Variants in NEGR1 observed in about 807,000 individuals in gnomAD.
NEGR1 encodes the protein IgLON family member 4.
In NEGR1, 10 loss-of-function variants were observed where a neutral mutation model predicts 40.9. That is an observed-to-expected ratio of 0.24 (90% CI 0.15 to 0.42). The LOEUF is 0.42. Ranked by LOEUF, NEGR1 falls within the 10% of genes least tolerant of loss-of-function variation. The pLI is 1.00. For missense variants in NEGR1, 352 were observed against 438.9 expected, an observed-to-expected ratio of 0.80 and a Z score of 1.77; for synonymous variants, 185 against 166.8, an observed-to-expected ratio of 1.11 and a Z score of -0.84.
At chr1:71,453,141 A>G (rs1309058780) in intron 6 of NEGR1, among the ~76,000 whole-genome samples, 1 of 152,172 alleles carries the variant, frequency 6.6e-6, no homozygotes, top group Non-Finnish European at 1.5e-5. Flanking sequence ...GTGACAGTTG[A>G]AAACTGAAGA....
At chr1:72,248,187 C>A (rs1401359759) in intron 1 of NEGR1, among the ~76,000 whole-genome samples, 3 of 152,132 alleles carry the variant, frequency 2.0e-5, no homozygotes, top group Non-Finnish European at 4.4e-5. Context: ...AACAAACATA[C>A]AAACTATATC....
chr1:71,574,141 A>C (rs991512587), intron 6 of NEGR1, among the ~76,000 whole-genome samples: 1 of 152,206 alleles, frequency 6.6e-6, no homozygotes, highest in African/African-American at 2.4e-5. Context: ...GGAAAATACT[A>C]GGTTCCCTAA....
intron 5 of NEGR1, among the ~76,000 whole-genome samples, chr1:71,602,879 C>T (rs1649969201): frequency 6.6e-6 from 1 of 152,210 alleles, no homozygotes; most frequent in South Asian, 2.1e-4. Flanking sequence ...ATGTGCTCTT[C>T]AGTTCCCAGT....
chr1:71,778,293 A>G (rs913213088), intron 2 of NEGR1, among the ~76,000 whole-genome samples: 1 of 152,076 alleles, frequency 6.6e-6, no homozygotes, highest in Non-Finnish European at 1.5e-5. Context: ...TTCAGTAGAA[A>G]GCACATTTTG....
chr1:71,452,816 CAAA>C (rs5775062), intron 6 of NEGR1, among the ~76,000 whole-genome samples: 1 of 148,648 alleles, frequency 6.7e-6, no homozygotes, highest in African/African-American at 2.5e-5. Flanking sequence ...AAAAAAAAAC[CAAA>C]AAAAAAACAC....
chr1:72,150,863 TATA>T (rs1184096296), intron 1 of NEGR1, among the ~76,000 whole-genome samples: 1 of 152,040 alleles, frequency 6.6e-6, no homozygotes, highest in Non-Finnish European at 1.5e-5. Flanking sequence ...ACAAAAATAT[TATA>T]ATAACAACAC....
intron 1 of NEGR1, among the ~76,000 whole-genome samples, chr1:72,042,819 C>T (rs1310628393): frequency 6.6e-6 from 1 of 151,984 alleles, no homozygotes; most frequent in Non-Finnish European, 1.5e-5. Flanking sequence ...TACCAGGATG[C>T]TTTTATTACC....
At chr1:71,876,754 G>A (rs904676912) in intron 2 of NEGR1, among the ~76,000 whole-genome samples, 2 of 152,140 alleles carry the variant, frequency 1.3e-5, no homozygotes, top group African/African-American at 4.8e-5. Context: ...GGGAGTGGAA[G>A]AAACTGAAGT....
At chr1:71,868,471 A>AATACATACATAC (rs56859630) in intron 2 of NEGR1, among the ~76,000 whole-genome samples, 68 of 148,130 alleles carry the variant, frequency 4.6e-4, no homozygotes, top group South Asian at 6.5e-4. Context: ...AGATAGACAG[A>AATACATACATAC]ATACATACAT....
At chr1:71,813,335 C>G (rs915351665) in intron 2 of NEGR1, among the ~76,000 whole-genome samples, 2 of 152,058 alleles carry the variant, frequency 1.3e-5, no homozygotes, top group African/African-American at 4.8e-5. Context: ...GTTGCTGTAG[C>G]CTTATAGGAT....
At chr1:71,623,553 T>C (rs2101555663) in intron 4 of NEGR1, among the ~76,000 whole-genome samples, 1 of 151,934 alleles carries the variant, frequency 6.6e-6, no homozygotes, top group East Asian at 1.9e-4. Flanking sequence ...AATTGAGAGG[T>C]AATGTTTTTT....
In NEGR1 at chr1:71,474,559, C is replaced by CACACAA. The variant is rs1416461058; in HGVS notation, c.941-66990_941-66989insTTGTGT. On this transcript the variant is annotated intron_variant, in intron 6 of 6. Coordinates refer to ENST00000357731, the MANE Select transcript of NEGR1 (RefSeq NM_173808.3). ...ACACACACACACACACACACACACACAATTAGCCAGGCGTGGTGGCAGGTG... is the reference window on the plus strand; with the variant it reads ...ACACACACACACACACACACACACACACACAAAATTAGCCAGGCGTGGTGGCAGGTG... Among the ~76,000 whole-genome samples the CACACAA allele has an allele frequency of 2.3e-4, 32 of 137,726 alleles. No homozygotes were observed. In the East Asian group the frequency reaches 7.5e-3, roughly 32 times the overall value. The allele number at this position is 137,726 out of a possible 152,430, so 90.4% of individuals were successfully genotyped here. A position where few individuals can be genotyped will look rare whatever the true frequency, so the allele number is the denominator to read the frequency against.
intron 1 of NEGR1, among the ~76,000 whole-genome samples, chr1:71,939,573 G>A (rs1353402948): frequency 1.3e-5 from 2 of 152,110 alleles, no homozygotes; most frequent in African/African-American, 4.8e-5. Context: ...GCAGATATAT[G>A]TAGTACAGAC....
At chr1:71,563,622 G>A (rs1352352908) in intron 6 of NEGR1, among the ~76,000 whole-genome samples, 1 of 151,924 alleles carries the variant, frequency 6.6e-6, no homozygotes, top group Non-Finnish European at 1.5e-5. Flanking sequence ...AAAGACATGA[G>A]CCTGCAGATA....
At chr1:72,151,829 C>A (rs1651135984) in intron 1 of NEGR1, among the ~76,000 whole-genome samples, 1 of 151,726 alleles carries the variant, frequency 6.6e-6, no homozygotes, top group Non-Finnish European at 1.5e-5. Flanking sequence ...AGGATCAATT[C>A]ATTCATAATA....
chr1:71,986,149 T>C (rs115380644), intron 1 of NEGR1, among the ~76,000 whole-genome samples: 3,188 of 152,312 alleles, frequency 0.021, 59 homozygotes, highest in South Asian at 0.054. Context: ...GAAAATTCTA[T>C]ATGTGGTAGA....
chr1:72,155,401 T>A (rs1651320382), intron 1 of NEGR1, among the ~76,000 whole-genome samples: 1 of 152,040 alleles, frequency 6.6e-6, no homozygotes, highest in Non-Finnish European at 1.5e-5. Context: ...TTGTCAATTA[T>A]CCTAAGAACA....
intron 1 of NEGR1, among the ~76,000 whole-genome samples, chr1:72,014,342 AAG>A (rs765391829): frequency 8.7e-5 from 13 of 149,808 alleles, no homozygotes; most frequent in Non-Finnish European, 1.5e-4. Context: ...CATAAGTGGT[AAG>A]TGATATTGAA....
chr1:71,485,111 T>C (rs909929766), intron 6 of NEGR1, among the ~76,000 whole-genome samples: 3 of 151,702 alleles, frequency 2.0e-5, no homozygotes, highest in East Asian at 1.9e-4. Flanking sequence ...CATGAGATGA[T>C]TGACCTTCAT....
Sources: gnomAD v4.1 joint callset for allele counts (sites outside exome capture counted in the v4.1 genomes callset) on GRCh38, gnomAD v4.1.1 for gene constraint, MANE v1.5 for transcripts, NCBI Gene and HGNC (gene_info 2026-07-23, HGNC 2026-07-21) for gene names.